ESRRG: variants seen among roughly 807,000 people sequenced by gnomAD.
ESRRG encodes estrogen related receptor gamma.
ESRRG carries 13 observed loss-of-function variants against 44.0 expected under a neutral mutation model. The observed-to-expected ratio is 0.30, with a 90% CI of 0.19 to 0.47. The LOEUF is 0.47. Among genes scored for constraint, ESRRG ranks in the 20% least tolerant of loss-of-function variants. The pLI is 1.00. For missense variants in ESRRG, 395 were observed against 580.6 expected, an observed-to-expected ratio of 0.68 and a Z score of 3.29; for synonymous variants, 215 against 214.6, an observed-to-expected ratio of 1.00 and a Z score of -0.02.
At chr1:217,118,843 A>C (rs964106539) in intron 1 of ESRRG, among the ~76,000 whole-genome samples, 4 of 151,968 alleles carry the variant, frequency 2.6e-5, no homozygotes, top group Non-Finnish European at 5.9e-5. Context: ...AAAAATAAAA[A>C]AGTAGCCAAG....
intron 1 of ESRRG, among the ~76,000 whole-genome samples, chr1:217,115,657 T>C (rs561077171): frequency 1.3e-5 from 2 of 152,216 alleles, no homozygotes; most frequent in Non-Finnish European, 2.9e-5. Context: ...CCTTCAGGTC[T>C]GCACTCAAAA....
At chr1:216,688,593 G>T (rs184216133) in intron 1 of ESRRG, among the ~76,000 whole-genome samples, 22 of 152,214 alleles carry the variant, frequency 1.4e-4, no homozygotes, top group Middle Eastern at 6.8e-3. Flanking sequence ...AGATGTTAAG[G>T]CTCTGGTGAC....
At chr1:217,123,240 T>A (rs2092845348) in intron 1 of ESRRG, among the ~76,000 whole-genome samples, 1 of 152,164 alleles carries the variant, frequency 6.6e-6, no homozygotes, top group Admixed American at 6.5e-5. Flanking sequence ...TAACAGTATA[T>A]CATGCCTAAG....
intron 1 of ESRRG, among the ~76,000 whole-genome samples, chr1:216,705,437 A>G (rs913510960): frequency 6.6e-6 from 1 of 152,178 alleles, no homozygotes; most frequent in African/African-American, 2.4e-5. Context: ...TTCCAAAAGG[A>G]CACACAGTTG....
intron 1 of ESRRG, among the ~76,000 whole-genome samples, chr1:217,052,409 G>A (rs771483079): frequency 1.6e-4 from 24 of 152,110 alleles, no homozygotes; most frequent in Non-Finnish European, 2.6e-4. Flanking sequence ...GTGACTAAAC[G>A]CATCAACATC....
intron 1 of ESRRG, among the ~76,000 whole-genome samples, chr1:216,684,802 A>G (rs1223064678): frequency 6.6e-6 from 1 of 152,242 alleles, no homozygotes; most frequent in Non-Finnish European, 1.5e-5. Flanking sequence ...AAACTGTAAC[A>G]GTAGGGGGGA....
intron 3 of ESRRG, among the ~76,000 whole-genome samples, chr1:216,611,828 G>T (rs956457904): frequency 1.3e-5 from 2 of 152,162 alleles, no homozygotes; most frequent in East Asian, 1.9e-4. Flanking sequence ...CAAAATAGAA[G>T]TGCTTTCTTT....
At chr1:216,564,408 G>T (rs755356342) in intron 4 of ESRRG, 28 bp from the exon 5 acceptor site, 2 of 1,572,316 alleles carry the variant, frequency 1.3e-6, no homozygotes, top group South Asian at 1.2e-5. Flanking sequence ...AGCACTACAA[G>T]ATCACTAGTA....
At chr1:216,989,723 C>T (rs1203304632) in intron 1 of ESRRG, among the ~76,000 whole-genome samples, 1 of 152,114 alleles carries the variant, frequency 6.6e-6, no homozygotes, top group Non-Finnish European at 1.5e-5. Context: ...AAAAGTGTGT[C>T]CCTGCAGCTT....
chr1:216,533,124 T>C (rs2049895107), intron 5 of ESRRG, among the ~76,000 whole-genome samples: 1 of 152,174 alleles, frequency 6.6e-6, no homozygotes, highest in Admixed American at 6.6e-5. Context: ...GGATGGGTTA[T>C]AATTTGTATG....
intron 3 of ESRRG, among the ~76,000 whole-genome samples, chr1:216,578,840 T>G (rs1476954482): frequency 1.3e-5 from 2 of 152,124 alleles, no homozygotes; most frequent in African/African-American, 4.8e-5. Context: ...TATCCACAGT[T>G]GCCTGTAGCC....
intron 2 of ESRRG, among the ~76,000 whole-genome samples, chr1:216,866,571 T>A (rs1233180530): frequency 6.6e-6 from 1 of 151,322 alleles, no homozygotes. Context: ...CTTTCTTTTT[T>A]TTTTTATTTT....
At chr1:216,775,131 T>C (rs2093553597) in intron 2 of ESRRG, among the ~76,000 whole-genome samples, 1 of 152,020 alleles carries the variant, frequency 6.6e-6, no homozygotes, top group South Asian at 2.1e-4. Context: ...TTTTAATTGT[T>C]GAATATGATA....
chr1:217,083,339 A>G (rs6703871), intron 1 of ESRRG, among the ~76,000 whole-genome samples: 24,773 of 152,278 alleles, frequency 0.16, 2,320 homozygotes, highest in Admixed American at 0.22. Context: ...TACTCGGTAT[A>G]CTAATATTTC....
chr1:216,851,299 C>T (rs1183568523), intron 2 of ESRRG, among the ~76,000 whole-genome samples: 2 of 152,048 alleles, frequency 1.3e-5, no homozygotes, highest in African/African-American at 4.8e-5. Context: ...GATGCATGTG[C>T]TGCTTTTCTT....
intron 1 of ESRRG, chr1:216,715,010 G>T (rs1200384704): frequency 2.3e-6 from 2 of 879,290 alleles, no homozygotes; most frequent in Non-Finnish European, 2.7e-6. Flanking sequence ...TTGTCCATTT[G>T]TTCCTCACCT....
At chr1:216,518,959 CA>C (rs1271153801) in intron 6 of ESRRG, among the ~76,000 whole-genome samples, 192 bp downstream of exon 6, 5 of 152,138 alleles carry the variant, frequency 3.3e-5, no homozygotes, top group African/African-American at 1.2e-4. Flanking sequence ...ATAAGCAAGT[CA>C]AATGAAATTA....
At chr1:217,024,898 A>T (rs1376838706) in intron 1 of ESRRG, among the ~76,000 whole-genome samples, 2 of 152,228 alleles carry the variant, frequency 1.3e-5, no homozygotes, top group African/African-American at 4.8e-5. Context: ...TTACTCAGCC[A>T]ATTAGCAGCA....
At chr1:216,864,906 G>C (rs975823828) in intron 2 of ESRRG, 3 of 152,054 alleles carry the variant, frequency 2.0e-5, no homozygotes, top group Admixed American at 6.6e-5. Context: ...CTGACTTCCA[G>C]ATTCTACCAT....
Sources: allele counts gnomAD v4.1 joint callset (sites outside exome capture counted in the v4.1 genomes callset), GRCh38; gene constraint gnomAD v4.1.1; transcripts MANE v1.5; gene names NCBI Gene and HGNC (gene_info 2026-07-23, HGNC 2026-07-21).